Variants in CCSER1 observed in about 807,000 individuals in gnomAD.
CCSER1 encodes coiled-coil serine rich protein 1.
CCSER1 carries 41 observed loss-of-function variants against 82.0 expected under a neutral mutation model. The ratio of observed to expected loss-of-function variants is 0.50; its 90% CI spans 0.39 to 0.65. The LOEUF is 0.65. Among genes scored for constraint, CCSER1 ranks in the 30% least tolerant of loss-of-function variants. The pLI is 0.00. For synonymous variants in CCSER1, 414 were observed against 383.9 expected (o/e 1.08, Z -0.92); for missense variants, 1,119 against 1,064.2 (o/e 1.05, Z -0.72).
At chr4:91,282,799 C>T (rs1560564910) in intron 10 of CCSER1, among the ~76,000 whole-genome samples, 1 of 152,042 alleles carries the variant, frequency 6.6e-6, no homozygotes, top group African/African-American at 2.4e-5. Flanking sequence ...TTTGTGGATC[C>T]ACCACTTTAA....
intron 5 of CCSER1, among the ~76,000 whole-genome samples, chr4:90,551,706 C>CTCTCTCTCTCTCTCTCTA: frequency 3.0e-4 from 31 of 104,230 alleles, no homozygotes; most frequent in Middle Eastern, 6.4e-3. Flanking sequence ...CTCTCTCTCT[C>CTCTCTCTCTCTCTCTCTA]TATATATATA....
chr4:90,720,775 G>A (rs889944999), intron 6 of CCSER1, among the ~76,000 whole-genome samples: 3 of 151,940 alleles, frequency 2.0e-5, no homozygotes, highest in East Asian at 3.9e-4. Flanking sequence ...CTATTAAAAT[G>A]AGTACATGTT....
chr4:90,621,964 A>G (rs1722402458), intron 5 of CCSER1, among the ~76,000 whole-genome samples: 3 of 152,192 alleles, frequency 2.0e-5, no homozygotes, highest in Admixed American at 2.0e-4. Flanking sequence ...AATTTGTATA[A>G]TTATTTCTAT....
At chr4:91,380,856 A>G (rs1750830976) in intron 10 of CCSER1, among the ~76,000 whole-genome samples, 1 of 152,006 alleles carries the variant, frequency 6.6e-6, no homozygotes, top group African/African-American at 2.4e-5. Context: ...GTTCTTTACA[A>G]TTTGTCATGT....
intron 5 of CCSER1, among the ~76,000 whole-genome samples, chr4:90,496,716 C>T (rs1019275955): frequency 1.1e-4 from 17 of 152,130 alleles, no homozygotes; most frequent in Middle Eastern, 3.4e-3. Flanking sequence ...CAGTGGCTCA[C>T]GCCTGTAATT....
chr4:91,018,156 C>A (rs1352059556), intron 9 of CCSER1, among the ~76,000 whole-genome samples: 1 of 152,018 alleles, frequency 6.6e-6, no homozygotes, highest in Non-Finnish European at 1.5e-5. Flanking sequence ...ATACTTCGCA[C>A]AATTCTTTCA....
intron 10 of CCSER1, among the ~76,000 whole-genome samples, chr4:91,435,567 T>G (rs1024112624): frequency 1.3e-5 from 2 of 152,236 alleles, no homozygotes; most frequent in African/African-American, 4.8e-5. Context: ...AGAAAAGATT[T>G]CGGCACCATC....
chr4:90,744,781 C>A (rs2149454983), intron 7 of CCSER1, among the ~76,000 whole-genome samples: 1 of 152,068 alleles, frequency 6.6e-6, no homozygotes, highest in African/African-American at 2.4e-5. Flanking sequence ...GTTGTGTGAT[C>A]CTATGAGAAT....
intron 6 of CCSER1, among the ~76,000 whole-genome samples, chr4:90,692,798 G>A (rs1370960916): frequency 1.3e-5 from 2 of 151,696 alleles, no homozygotes; most frequent in African/African-American, 4.8e-5. Context: ...TAACACCAAA[G>A]GGCCATATTA....
intron 10 of CCSER1, among the ~76,000 whole-genome samples, chr4:91,400,750 C>T (rs1054230665): frequency 1.3e-5 from 2 of 151,464 alleles, no homozygotes; most frequent in African/African-American, 2.4e-5. Flanking sequence ...GTATCAACTG[C>T]TTGTAAAATG....
At chr4:90,912,278 C>T (rs1726516996) in intron 8 of CCSER1, among the ~76,000 whole-genome samples, 1 of 152,188 alleles carries the variant, frequency 6.6e-6, no homozygotes, top group African/African-American at 2.4e-5. Flanking sequence ...ACTGGTACCA[C>T]TCTGAGATGA....
intron 3 of CCSER1, among the ~76,000 whole-genome samples, chr4:90,395,552 TA>T (rs1371433723): frequency 1.3e-5 from 2 of 152,166 alleles, no homozygotes; most frequent in Non-Finnish European, 2.9e-5. Context: ...CTGTTTGGTC[TA>T]GTGATTGGAA....
At chr4:90,270,152 C>T (rs1469072682) in intron 1 of CCSER1, among the ~76,000 whole-genome samples, 2 of 152,092 alleles carry the variant, frequency 1.3e-5, no homozygotes, top group Non-Finnish European at 1.5e-5. Flanking sequence ...AGTGGGAATA[C>T]TTCCAAACTC....
chr4:90,323,176 A>G (rs1737489199), intron 3 of CCSER1, among the ~76,000 whole-genome samples: 1 of 152,092 alleles, frequency 6.6e-6, no homozygotes, highest in Non-Finnish European at 1.5e-5. Flanking sequence ...CCTTTCCTCA[A>G]GCAGGAGTCT....
chr4:90,823,850 C>T (rs1760093418), intron 8 of CCSER1, among the ~76,000 whole-genome samples: 2 of 151,802 alleles, frequency 1.3e-5, no homozygotes, highest in Admixed American at 6.6e-5. Context: ...CTTCTGCAGA[C>T]TCTTTTTTTA....
intron 10 of CCSER1, among the ~76,000 whole-genome samples, chr4:91,507,263 C>A (rs188973916): frequency 6.6e-6 from 1 of 152,218 alleles, no homozygotes; most frequent in African/African-American, 2.4e-5. Flanking sequence ...ATGAGGATTT[C>A]AATTTCTCCA....
intron 8 of CCSER1, 26 bp downstream of exon 8, chr4:90,815,871 C>A (rs17187511): frequency 4.7e-6 from 7 of 1,493,504 alleles, no homozygotes; most frequent in Admixed American, 2.0e-5. Context: ...GCTTGGCCCA[C>A]GAGTGTACTT....
chr4:90,991,734 A>C (rs1737049332), intron 9 of CCSER1, among the ~76,000 whole-genome samples: 1 of 152,032 alleles, frequency 6.6e-6, no homozygotes, highest in South Asian at 2.1e-4. Context: ...TTAGGACTTC[A>C]ACATATCTTT....
chr4:91,525,352 A>G (rs1760718308), intron 10 of CCSER1, among the ~76,000 whole-genome samples: 1 of 152,150 alleles, frequency 6.6e-6, no homozygotes, highest in Admixed American at 6.6e-5. Flanking sequence ...AGACAATGGT[A>G]TGTAGACTAG....
Sources: gnomAD v4.1 joint callset for allele counts (sites outside exome capture counted in the v4.1 genomes callset) on GRCh38, gnomAD v4.1.1 for gene constraint, MANE v1.5 for transcripts, NCBI Gene and HGNC (gene_info 2026-07-23, HGNC 2026-07-21) for gene names.